Variants in NEGR1 observed in about 807,000 individuals in gnomAD.
NEGR1 encodes neuronal growth regulator 1, also known as IgLON family member 4.
Under a neutral mutation model 40.9 loss-of-function variants are expected in NEGR1, and 10 were observed. The ratio of observed to expected loss-of-function variants is 0.24; its 90% CI spans 0.15 to 0.42. NEGR1 has a LOEUF of 0.42. Ranked by LOEUF, NEGR1 falls within the 10% of genes least tolerant of loss-of-function variation. NEGR1 has a pLI of 1.00. For synonymous variants in NEGR1, 185 were observed against 166.8 expected (o/e 1.11, Z -0.84); for missense variants, 352 against 438.9 (o/e 0.80, Z 1.77).
chr1:72,118,527 G>A (rs1319153429), intron 1 of NEGR1, among the ~76,000 whole-genome samples: 2 of 151,916 alleles, frequency 1.3e-5, no homozygotes, highest in African/African-American at 4.8e-5. Context: ...CAACAGCTAA[G>A]GTGGTGTGAT....
intron 1 of NEGR1, among the ~76,000 whole-genome samples, chr1:71,994,452 C>T (rs560893119): frequency 2.0e-5 from 3 of 151,696 alleles, no homozygotes; most frequent in East Asian, 2.0e-4. Flanking sequence ...GGCCTGAACC[C>T]GGGAGGCGGA....
intron 6 of NEGR1, among the ~76,000 whole-genome samples, chr1:71,579,757 T>C (rs1649074816): frequency 6.6e-6 from 1 of 152,170 alleles, no homozygotes; most frequent in Non-Finnish European, 1.5e-5. Flanking sequence ...GTGATGTTAA[T>C]GTGTGGCTTA....
intron 1 of NEGR1, among the ~76,000 whole-genome samples, chr1:72,160,002 C>T (rs1482294690): frequency 6.6e-6 from 1 of 152,064 alleles, no homozygotes; most frequent in Non-Finnish European, 1.5e-5. Flanking sequence ...TGGTTCATTC[C>T]ATATATATTT....
chr1:72,067,167 A>AATTTATAT (rs1289447552), intron 1 of NEGR1, among the ~76,000 whole-genome samples: 1 of 152,118 alleles, frequency 6.6e-6, no homozygotes, highest in African/African-American at 2.4e-5. Flanking sequence ...TTGATTTGTA[A>AATTTATAT]ACCAAATTAT....
At chr1:72,153,491 T>C (rs1010726175) in intron 1 of NEGR1, among the ~76,000 whole-genome samples, 4 of 151,936 alleles carry the variant, frequency 2.6e-5, no homozygotes, top group Non-Finnish European at 5.9e-5. Flanking sequence ...TGTTTGAATA[T>C]ATACAAATTT....
At chr1:71,497,875 A>G (rs1646975344) in intron 6 of NEGR1, among the ~76,000 whole-genome samples, 1 of 152,122 alleles carries the variant, frequency 6.6e-6, no homozygotes, top group Non-Finnish European at 1.5e-5. Flanking sequence ...ACAGAATGCG[A>G]AACTATATAT....
At chr1:71,522,811 C>T (rs1263604635) in intron 6 of NEGR1, among the ~76,000 whole-genome samples, 1 of 151,362 alleles carries the variant, frequency 6.6e-6, no homozygotes, top group Admixed American at 6.6e-5. Context: ...CTCACACGCT[C>T]CTATGTGTGC....
rs941803195 is a variant in NEGR1 at position 71,397,681 on chromosome 1, A to C, written c.*9765T>G. 2 of 152,230 alleles carry C rather than the reference A, an allele frequency of 1.3e-5. No homozygotes were observed. The highest frequency in any genetic ancestry group is 2.9e-5 in the Non-Finnish European group (2 of 68,054). The allele number at this position is 152,230 out of a possible 1,614,324, so 9.4% of individuals were successfully genotyped here. A position where few individuals can be genotyped will look rare whatever the true frequency, so the allele number is the denominator to read the frequency against. On this transcript the variant is annotated 3_prime_UTR_variant, in exon 7 of 7. Transcript: ENST00000357731. ...AAAAGTTTGAAAAATTTACAGACTG[A>C]AAATGTGATAGAAAAGAAAATCCCA...
intron 3 of NEGR1, among the ~76,000 whole-genome samples, chr1:71,722,091 G>C (rs140639148): frequency 1.3e-3 from 200 of 152,152 alleles, no homozygotes; most frequent in African/African-American, 4.7e-3. Flanking sequence ...CAACAATTAA[G>C]TGCTATTATC....
chr1:71,764,125 A>T (rs1656041282), intron 3 of NEGR1, among the ~76,000 whole-genome samples: 1 of 152,246 alleles, frequency 6.6e-6, no homozygotes, highest in Non-Finnish European at 1.5e-5. Context: ...ACTATGGAAG[A>T]AGAAACACAC....
chr1:71,409,884 G>C (rs1022920592), intron 6 of NEGR1, among the ~76,000 whole-genome samples: 3 of 151,908 alleles, frequency 2.0e-5, no homozygotes, highest in Admixed American at 6.6e-5. Flanking sequence ...ATGTACTATA[G>C]TAGTATAGTA....
At chr1:72,129,547 C>G (rs1014013052) in intron 1 of NEGR1, among the ~76,000 whole-genome samples, 1 of 152,028 alleles carries the variant, frequency 6.6e-6, no homozygotes, top group Non-Finnish European at 1.5e-5. Flanking sequence ...TTTGGGCGAA[C>G]AAGCTACAAA....
intron 4 of NEGR1, among the ~76,000 whole-genome samples, chr1:71,693,477 C>T (rs934784332): frequency 6.6e-6 from 1 of 151,460 alleles, no homozygotes; most frequent in Non-Finnish European, 1.5e-5. Context: ...CAGCAAAATC[C>T]GTTTCCACAT....
intron 1 of NEGR1, among the ~76,000 whole-genome samples, chr1:72,079,274 A>C (rs753146543): frequency 2.6e-5 from 4 of 151,852 alleles, no homozygotes; most frequent in Non-Finnish European, 5.9e-5. Flanking sequence ...ATAGTTGCTT[A>C]ATAATCAGAT....
Position 72,065,539 on chromosome 1 carries a change from T to C in NEGR1, c.177-130228A>G, listed in dbSNP as rs112707330. 3.2e-3 allele frequency among the ~76,000 whole-genome samples: 481 copies of C among 152,214 alleles called. 3 individuals are homozygous for C. The highest frequency in any genetic ancestry group is 0.011 in the African/African-American group (463 of 41,564). ...CTGGGAACAGAGCACCTTCTCCACA[T>C]GTCTACTAAGAGCTGTGTGGAAAAG... is the stretch of plus-strand genomic sequence containing the variant. On this transcript the variant is annotated intron_variant, in intron 1 of 6. Transcript: ENST00000357731.
At chr1:71,852,043 T>C (rs1659620029) in intron 2 of NEGR1, among the ~76,000 whole-genome samples, 1 of 152,188 alleles carries the variant, frequency 6.6e-6, no homozygotes, top group Admixed American at 6.6e-5. Context: ...TGTATTTGAA[T>C]TATAAAGCTA....
rs1646232916 is a variant in NEGR1 at position 71,399,506 on chromosome 1, A to G, written c.*7940T>C. The G allele has an allele frequency of 6.6e-6, 1 of 152,232 alleles. No individual in the cohort carries two copies. Among genetic ancestry groups the G allele is most frequent in the African/African-American group, 2.4e-5 (1 of 41,462 alleles). 9.4% of individuals were successfully genotyped at this position (152,232 alleles called of 1,614,324 possible). ...TCCTTATGCTAACGTCTTAGCAAAT[A>G]AAACTTAAACAGAAACTGTTGGTTG... On this transcript the variant is annotated 3_prime_UTR_variant, in exon 7 of 7. Coordinates refer to ENST00000357731, the MANE Select transcript of NEGR1 (RefSeq NM_173808.3).
chr1:71,725,340 G>A (rs1263500531), intron 3 of NEGR1, among the ~76,000 whole-genome samples: 1 of 151,716 alleles, frequency 6.6e-6, no homozygotes, highest in Non-Finnish European at 1.5e-5. Context: ...CCTCTCTTTC[G>A]GAAAATTTTA....
chr1:71,534,084 C>A (rs897781127), intron 6 of NEGR1, among the ~76,000 whole-genome samples: 1 of 151,640 alleles, frequency 6.6e-6, no homozygotes, highest in Non-Finnish European at 1.5e-5. Context: ...CCTTGGGACT[C>A]TCCTCTGTTC....
Sources: allele counts gnomAD v4.1 joint callset (sites outside exome capture counted in the v4.1 genomes callset), GRCh38; gene constraint gnomAD v4.1.1; transcripts MANE v1.5; gene names NCBI Gene and HGNC (gene_info 2026-07-23, HGNC 2026-07-21).